Variants in SAMD4A observed in about 807,000 individuals in gnomAD.
The protein encoded by SAMD4A is protein Smaug homolog 1.
In SAMD4A, 33 loss-of-function variants were observed where a neutral mutation model predicts 81.3. The observed-to-expected ratio is 0.41, with a 90% CI of 0.31 to 0.54. SAMD4A has a LOEUF of 0.54. Ranked by LOEUF, SAMD4A falls within the 20% of genes least tolerant of loss-of-function variation. The pLI is 0.37. For synonymous variants in SAMD4A, 389 were observed against 382.1 expected, an observed-to-expected ratio of 1.02 and a Z score of -0.21; for missense variants, 854 against 951.1, an observed-to-expected ratio of 0.90 and a Z score of 1.34.
In SAMD4A at chr14:54,634,719, A is replaced by G. The variant is rs11628751; in HGVS notation, c.196+66607A>G. Among the ~76,000 whole-genome samples the G allele has an allele frequency of 1.8e-3, 253 of 142,508 alleles. 4 individuals are homozygous for G. Among genetic ancestry groups the G allele is most frequent in the East Asian group, 5.2e-3 (26 of 4,994 alleles). The allele number at this position is 142,508 out of a possible 152,430, so 93.5% of individuals were successfully genotyped here. A position where few individuals can be genotyped will look rare whatever the true frequency, so the allele number is the denominator to read the frequency against. ...TTGGGGACCCTCTATCTATCTATCT[A>G]TCTGTCTGTCTGTCTGTCTGTCTGT... On this transcript the variant is annotated intron_variant, in intron 2 of 12. Transcript: ENST00000554335.
intron 2 of SAMD4A, among the ~76,000 whole-genome samples, chr14:54,684,814 G>A (rs1481386578): frequency 6.6e-6 from 1 of 152,258 alleles, no homozygotes. Context: ...GCCAGAGTGG[G>A]CAGGCAGCAG....
At chr14:54,719,869 C>T (rs1411186641) in intron 3 of SAMD4A, among the ~76,000 whole-genome samples, 1 of 152,196 alleles carries the variant, frequency 6.6e-6, no homozygotes, top group African/African-American at 2.4e-5. Flanking sequence ...CTCCTACTCC[C>T]ATCTGTGTTA....
chr14:54,745,243 A>G (rs953002825), intron 4 of SAMD4A, among the ~76,000 whole-genome samples: 22 of 152,174 alleles, frequency 1.4e-4, no homozygotes, highest in African/African-American at 4.6e-4. Context: ...CCACAAGATG[A>G]AGTCGACTCT....
At position 54,691,481 on chromosome 14, in the gene SAMD4A, A is replaced by G. The variant is rs78153205; in HGVS notation, c.197-10581A>G. ...TTAGAGAAGTGCATTCTTCACCATC[A>G]TCCTTCCTACCTTTTCTTCTTACCC... is the stretch of plus-strand genomic sequence containing the variant. On this transcript the variant is annotated intron_variant, in intron 2 of 12. Transcript: ENST00000554335. Among the ~76,000 whole-genome samples, 17 of 147,810 alleles carry G rather than the reference A, an allele frequency of 1.2e-4. No individual in the cohort carries two copies. The East Asian group carries it at 3.2e-3, about 28-fold the overall frequency.
intron 2 of SAMD4A, among the ~76,000 whole-genome samples, chr14:54,575,307 T>C (rs1333506942): frequency 6.6e-6 from 1 of 152,114 alleles, no homozygotes; most frequent in Non-Finnish European, 1.5e-5. Flanking sequence ...TCAACCCCTA[T>C]CAAATGGCAG....
intron 3 of SAMD4A, among the ~76,000 whole-genome samples, chr14:54,723,196 G>T (rs2037307040): frequency 6.6e-6 from 1 of 152,054 alleles, no homozygotes; most frequent in African/African-American, 2.4e-5. Flanking sequence ...GATTTTTTGT[G>T]TAGATGCTTG....
At chr14:54,712,354 T>C (rs1192124424) in intron 3 of SAMD4A, among the ~76,000 whole-genome samples, 1 of 152,182 alleles carries the variant, frequency 6.6e-6, no homozygotes, top group Admixed American at 6.5e-5. Flanking sequence ...TAACCCCTCA[T>C]TTGCTCTTCA....
intron 3 of SAMD4A, among the ~76,000 whole-genome samples, chr14:54,708,952 G>A (rs139684952): frequency 1.5e-3 from 235 of 152,266 alleles, no homozygotes; most frequent in African/African-American, 5.5e-3. Flanking sequence ...GGAGCACTGA[G>A]ATGGAGAAAA....
chr14:54,706,179 C>T (rs1224025452), intron 3 of SAMD4A, among the ~76,000 whole-genome samples: 1 of 150,330 alleles, frequency 6.7e-6, no homozygotes, highest in African/African-American at 2.5e-5. Context: ...TAGACCCCAT[C>T]TCTTCAAAAA....
chr14:54,656,732 A>C (rs762986670), intron 2 of SAMD4A, among the ~76,000 whole-genome samples: 13 of 152,082 alleles, frequency 8.5e-5, no homozygotes, highest in Non-Finnish European at 1.5e-4. Flanking sequence ...GGTTTACGCC[A>C]TTCTCCTGCC....
chr14:54,621,762 A>G (rs1037728817), intron 2 of SAMD4A, among the ~76,000 whole-genome samples: 2 of 152,088 alleles, frequency 1.3e-5, no homozygotes, highest in African/African-American at 4.8e-5. Flanking sequence ...ATCCCCTAAT[A>G]TTTACAGGAC....
intron 9 of SAMD4A, among the ~76,000 whole-genome samples, chr14:54,773,064 C>T (rs2038747908): frequency 6.6e-6 from 1 of 152,220 alleles, no homozygotes; most frequent in Non-Finnish European, 1.5e-5. Context: ...GTCCTCCTCA[C>T]CACATTCAGA....
intron 3 of SAMD4A, among the ~76,000 whole-genome samples, chr14:54,718,128 A>G (rs2037167686): frequency 6.6e-6 from 1 of 152,142 alleles, no homozygotes; most frequent in Admixed American, 6.5e-5. Flanking sequence ...GCCCAGAGAA[A>G]AGCTCTTTAA....
At chr14:54,775,693 G>A (rs959994344) in intron 10 of SAMD4A, among the ~76,000 whole-genome samples, 5 of 152,008 alleles carry the variant, frequency 3.3e-5, no homozygotes, top group African/African-American at 4.8e-5. Context: ...AGTGCCTTCC[G>A]CCTGTGTGCC....
intron 11 of SAMD4A, 28 bp from the exon 12 acceptor site, chr14:54,784,509 C>T (rs560523401): frequency 6.2e-7 from 1 of 1,613,740 alleles, no homozygotes; most frequent in Non-Finnish European, 8.5e-7. Context: ...TCCTCCTTGT[C>T]ACCAACATAA....
At chr14:54,639,801 A>AACACACAC (rs10677522) in intron 2 of SAMD4A, among the ~76,000 whole-genome samples, 2,681 of 148,936 alleles carry the variant, frequency 0.018, 28 homozygotes, top group Non-Finnish European at 0.024. Context: ...CATTGCTTGA[A>AACACACAC]ACACACACAC....
intron 12 of SAMD4A, among the ~76,000 whole-genome samples, chr14:54,785,998 G>A (rs2039130610): frequency 6.6e-6 from 1 of 152,172 alleles, no homozygotes; most frequent in African/African-American, 2.4e-5. Context: ...GCCATCCCTG[G>A]TACCTCTGGC....
At chr14:54,727,166 C>CTTTTTTTTTTTTTTTTTTTTTTTTTTTTT (rs567831973) in intron 3 of SAMD4A, among the ~76,000 whole-genome samples, 1 of 59,146 alleles carries the variant, frequency 1.7e-5, no homozygotes, top group African/African-American at 5.4e-5. Context: ...TCTTTTTTTC[C>CTTTTTTTTTTTTTTTTTTTTTTTTTTTTT]TTTTTTTTTT....
chr14:54,570,692 A>G (rs1364956787), intron 2 of SAMD4A, among the ~76,000 whole-genome samples: 2 of 152,182 alleles, frequency 1.3e-5, no homozygotes, highest in Non-Finnish European at 2.9e-5. Context: ...AATAATTGCT[A>G]TTTACTGTTG....
Sources: gnomAD v4.1 joint callset for allele counts (sites outside exome capture counted in the v4.1 genomes callset) on GRCh38, gnomAD v4.1.1 for gene constraint, MANE v1.5 for transcripts, NCBI Gene and HGNC (gene_info 2026-07-23, HGNC 2026-07-21) for gene names.